The following PCDH11X variants were observed in gnomAD, a reference collection of about 807,000 sequenced individuals.
PCDH11X encodes the protein protocadherin-11 X-linked.
PCDH11X carries 18 observed loss-of-function variants against 53.3 expected under a neutral mutation model. That is an observed-to-expected ratio of 0.34 (90% confidence interval 0.23 to 0.50). The LOEUF (loss-of-function observed/expected upper bound fraction) is 0.50, where lower values mean the gene tolerates loss of function less well. Among genes scored for constraint, PCDH11X ranks in the 20% least tolerant of loss-of-function variants. The probability of loss-of-function intolerance (pLI) is 0.98; values close to 1 mark genes in which losing one functional copy is unlikely to be tolerated. For synonymous variants in PCDH11X, 279 were observed against 393.3 expected (o/e 0.71, Z 3.44); for missense variants, 570 against 1,032.4 (o/e 0.55, Z 6.14).
chrX:92,498,759 G>T (rs2073904254), intron 10 of PCDH11X, among the ~76,000 whole-genome samples: 1 of 106,780 alleles, frequency 9.4e-6, no homozygotes, highest in Non-Finnish European at 1.9e-5. Context: ...TAAAAGCAAA[G>T]ATCACACTCA....
At position 91,878,019 on chromosome X, in the gene PCDH11X, T is replaced by C. The variant is rs1212112954; in HGVS notation, c.1779T>C (p.Thr593=). ...LPRHGTVGLI[T]VTDPDYGDNS... The stretch of plus-strand genomic sequence containing the variant: ...GGCATGGTACAGTAGGACTAATCAC[T>C]GTAACTGATCCTGATTATGGAGACA... Residue 593 remains threonine, a synonymous_variant, in exon 6 of 11, where the codon ACT becomes ACC. Transcript: ENST00000682573. The C allele has an allele frequency of 8.3e-7, 1 of 1,208,132 alleles. No individual in the cohort carries two copies. Among genetic ancestry groups the C allele is most frequent in the Admixed American group, 2.2e-5 (1 of 45,519 alleles).
At chrX:92,568,274 T>C (rs1357435243) in intron 10 of PCDH11X, among the ~76,000 whole-genome samples, 1 of 109,257 alleles carries the variant, frequency 9.2e-6, no homozygotes, top group African/African-American at 3.3e-5. Flanking sequence ...CAAAAAAAAT[T>C]AGCCCGGCGT....
Position 92,423,413 on chromosome X carries a change from C to A in PCDH11X, c.3343+35480C>A, listed in dbSNP as rs375089477. 5.2e-5 allele frequency among the ~76,000 whole-genome samples: 5 copies of A among 95,970 alleles called. 1 individual carries two copies. The East Asian group carries it at 1.5e-3, about 29-fold the overall frequency. The allele number at this position is 95,970 out of a possible 115,157, so 83.3% of individuals were successfully genotyped here. On this transcript the variant is annotated intron_variant, in intron 9 of 10. Transcript: ENST00000682573. ...AGTCTTTTGTCAGGTGTATAGATTG[C>A]AAAGATTTTCTTCCACTCTGAGGGT...
At chrX:91,970,049 G>A (rs1410456277) in intron 6 of PCDH11X, among the ~76,000 whole-genome samples, 2 of 111,106 alleles carry the variant, frequency 1.8e-5, no homozygotes, top group Non-Finnish European at 3.8e-5. Context: ...GACCATCACA[G>A]TGAGTGTTAC....
chrX:92,510,263 T>A (rs1179324425), intron 10 of PCDH11X, among the ~76,000 whole-genome samples: 1 of 97,001 alleles, frequency 1.0e-5, no homozygotes, highest in Non-Finnish European at 2.1e-5. Context: ...TCTGACACTG[T>A]ATTTCATTCA....
chrX:92,333,604 T>C (rs1246408421), intron 8 of PCDH11X, among the ~76,000 whole-genome samples: 2 of 111,764 alleles, frequency 1.8e-5, no homozygotes, highest in African/African-American at 6.5e-5. Flanking sequence ...AAGGTGGTCA[T>C]AGAGCAGGTT....
intron 6 of PCDH11X, among the ~76,000 whole-genome samples, chrX:92,017,502 C>T (rs1395360426): frequency 3.1e-5 from 3 of 97,463 alleles, no homozygotes. Context: ...AGTTCAAGTC[C>T]AGACTGGGCA....
At chrX:92,518,948 G>A (rs767492636) in intron 10 of PCDH11X, among the ~76,000 whole-genome samples, 5 of 107,645 alleles carry the variant, frequency 4.6e-5, no homozygotes, top group East Asian at 5.9e-4. Flanking sequence ...TAGTAGAGAC[G>A]GGGATTCACC....
At chrX:91,839,664 A>T (rs1427671231) in intron 5 of PCDH11X, among the ~76,000 whole-genome samples, 1 of 110,397 alleles carries the variant, frequency 9.1e-6, no homozygotes, top group Non-Finnish European at 1.9e-5. Context: ...GAATGAAGTG[A>T]TTACCAAGTA....
intron 10 of PCDH11X, among the ~76,000 whole-genome samples, chrX:92,509,824 G>T (rs1272573054): frequency 9.0e-6 from 1 of 111,664 alleles, no homozygotes; most frequent in Non-Finnish European, 1.9e-5. Flanking sequence ...GCTTCTCTGT[G>T]CAACTTATAA....
At chrX:92,505,104 T>A (rs1377195753) in intron 10 of PCDH11X, among the ~76,000 whole-genome samples, 2 of 108,529 alleles carry the variant, frequency 1.8e-5, no homozygotes, top group African/African-American at 6.6e-5. Context: ...CCATTCTGCA[T>A]GTTGTCTGTT....
chrX:92,254,931 T>C (rs2067537042), intron 7 of PCDH11X, among the ~76,000 whole-genome samples: 1 of 99,169 alleles, frequency 1.0e-5, no homozygotes, highest in African/African-American at 3.7e-5. Context: ...GGAGTTGCTC[T>C]TCTCGAGGAG....
At chrX:92,356,277 A>C (rs1034377352) in intron 8 of PCDH11X, among the ~76,000 whole-genome samples, 1 of 111,290 alleles carries the variant, frequency 9.0e-6, no homozygotes, top group African/African-American at 3.3e-5. Flanking sequence ...TCATGTCTCT[A>C]AAAACTGTGG....
chrX:92,485,918 C>G (rs1039186565), intron 10 of PCDH11X, among the ~76,000 whole-genome samples: 2 of 110,849 alleles, frequency 1.8e-5, no homozygotes, highest in African/African-American at 6.6e-5. Context: ...AGGGTCAAAG[C>G]TTGCCTTCTG....
At position 92,028,906 on chromosome X, in the gene PCDH11X, T is replaced by C. The variant is rs545890222; in HGVS notation, c.3033+149633T>C. On this transcript the variant is annotated intron_variant, in intron 6 of 10. Coordinates refer to ENST00000682573, the MANE Select transcript of PCDH11X (RefSeq NM_032968.5). ...AGCTATCTTTGTTCTCCTTCTGAGA[T>C]TTTTTGCTAAAACTGCAAATTGTGC... Among the ~76,000 whole-genome samples the C allele has an allele frequency of 4.2e-4, 47 of 110,807 alleles. 1 individual carries two copies. The South Asian group carries it at 0.017, about 41-fold the overall frequency.
chrX:92,183,887 C>G (rs2066043403), intron 6 of PCDH11X, among the ~76,000 whole-genome samples: 1 of 111,815 alleles, frequency 8.9e-6, no homozygotes, highest in African/African-American at 3.3e-5. Flanking sequence ...CTTGATCACT[C>G]TATGTAAAAT....
chrX:92,422,322 T>C (rs2071990001), intron 9 of PCDH11X, among the ~76,000 whole-genome samples: 1 of 109,281 alleles, frequency 9.2e-6, no homozygotes, highest in Admixed American at 9.8e-5. Flanking sequence ...CTCCCACCCT[T>C]TCTCCTGAGT....
Position 92,621,129 on chromosome X carries a change from T to TACACACACACACAC in PCDH11X, c.*2198_*2211dup, listed in dbSNP as rs202200201. 2.1e-4 allele frequency: 16 copies of TACACACACACACAC among 77,868 alleles called. 1 individual carries two copies. The highest frequency in any genetic ancestry group is 9.0e-4 in the African/African-American group (13 of 14,486). 6.4% of individuals were successfully genotyped at this position (77,868 alleles called of 1,213,427 possible). On this transcript the variant is annotated 3_prime_UTR_variant, in exon 11 of 11. Coordinates refer to ENST00000682573, the MANE Select transcript of PCDH11X (RefSeq NM_032968.5). ...GCAAAACTTTAGTTTTCTGATGATC[T>TACACACACACACAC]ACACACACACACACACACACACGTG...
At chrX:92,311,015 T>C (rs969218836) in intron 8 of PCDH11X, among the ~76,000 whole-genome samples, 2 of 111,815 alleles carry the variant, frequency 1.8e-5, no homozygotes, top group African/African-American at 6.5e-5. Context: ...CAAATGATTT[T>C]ATGTACAGTG....
Sources: gnomAD v4.1 joint callset for allele counts (sites outside exome capture counted in the v4.1 genomes callset) on GRCh38, gnomAD v4.1.1 for gene constraint, MANE v1.5 for transcripts, NCBI Gene and HGNC (gene_info 2026-07-23, HGNC 2026-07-21) for gene names.